The following IKZF2 variants were observed in gnomAD, a reference collection of about 807,000 sequenced individuals.
The protein encoded by IKZF2 is IKAROS family zinc finger 2.
A neutral mutation model predicts 49.2 loss-of-function variants in IKZF2; 15 were observed. The ratio of observed to expected loss-of-function variants is 0.30; its 90% CI spans 0.20 to 0.47. The LOEUF is 0.47. Among genes scored for constraint, IKZF2 ranks in the 20% least tolerant of loss-of-function variants. The pLI is 1.00. For synonymous variants in IKZF2, 227 were observed against 221.4 expected, an observed-to-expected ratio of 1.03 and a Z score of -0.23; for missense variants, 567 against 664.6, an observed-to-expected ratio of 0.85 and a Z score of 1.61.
chr2:213,035,185 AT>A (rs138723076), intron 6 of IKZF2, among the ~76,000 whole-genome samples: 3 of 152,102 alleles, frequency 2.0e-5, no homozygotes, highest in Admixed American at 6.5e-5. Context: ...GTGAGTATAT[AT>A]TTTTTTTAAT....
chr2:213,000,395 T>A lies in IKZF2; in HGVS notation c.*6965A>T, dbSNP rs561967113. On this transcript the variant is annotated 3_prime_UTR_variant, in exon 9 of 9. Coordinates refer to ENST00000434687, the MANE Select transcript of IKZF2 (RefSeq NM_001387220.1). ...AAAACACAAAATACCCTAGAAACTG[T>A]CAAGCAATTAGTCTTTAAAATAGTC... is the stretch of plus-strand genomic sequence containing the variant. The A allele has an allele frequency of 6.6e-6, 1 of 151,434 alleles. No individual in the cohort carries two copies. Among genetic ancestry groups the A allele is most frequent in the Admixed American group, 6.6e-5 (1 of 15,094 alleles). The allele number at this position is 151,434 out of a possible 1,614,324, so 9.4% of individuals were successfully genotyped here.
chr2:213,116,838 C>A (rs147831140), intron 4 of IKZF2, among the ~76,000 whole-genome samples: 1 of 152,158 alleles, frequency 6.6e-6, no homozygotes, highest in Non-Finnish European at 1.5e-5. Flanking sequence ...GTGCATGTTC[C>A]CCTTCTCCTT....
chr2:213,059,749 T>C (rs1471139804), intron 4 of IKZF2, among the ~76,000 whole-genome samples: 3 of 151,546 alleles, frequency 2.0e-5, no homozygotes, highest in Admixed American at 6.6e-5. Flanking sequence ...CTAAGTTTAA[T>C]TGGGAAATTA....
intron 4 of IKZF2, among the ~76,000 whole-genome samples, chr2:213,131,852 G>T (rs2060482840): frequency 6.6e-6 from 1 of 152,136 alleles, no homozygotes. Context: ...ATAACTGAGA[G>T]ACGTCTCTAA....
At chr2:213,134,291 A>C (rs2060579432) in intron 4 of IKZF2, among the ~76,000 whole-genome samples, 1 of 152,170 alleles carries the variant, frequency 6.6e-6, no homozygotes, top group African/African-American at 2.4e-5. Flanking sequence ...AAAGCAGAGA[A>C]AGTTCTTTCT....
chr2:213,040,132 T>A (rs1278894029), intron 6 of IKZF2, among the ~76,000 whole-genome samples: 1 of 152,132 alleles, frequency 6.6e-6, no homozygotes, highest in Non-Finnish European at 1.5e-5. Context: ...ATTTTTCATC[T>A]GGTAGAAAAA....
chr2:213,145,003 C>A (rs1203586583), intron 4 of IKZF2, among the ~76,000 whole-genome samples: 1 of 151,676 alleles, frequency 6.6e-6, no homozygotes, highest in Non-Finnish European at 1.5e-5. Flanking sequence ...TATTTTTATA[C>A]AATAGCTGGC....
At position 213,007,409 on chromosome 2, in the gene IKZF2, C is replaced by G. The variant is rs181639094; in HGVS notation, c.1532G>C (p.Arg511Pro). 1 of 1,613,430 alleles carries G rather than the reference C, an allele frequency of 6.2e-7. No homozygotes were observed. The highest frequency in any genetic ancestry group is 8.5e-7 in the Non-Finnish European group (1 of 1,179,610). Residue 511 changes from arginine to proline, a missense_variant, in exon 9 of 9, where the codon CGT becomes CCT. This residue lies in a region of IKZF2 where 25 missense variants were observed against 27.0 expected (regional missense o/e 0.93). Coordinates refer to ENST00000434687, the MANE Select transcript of IKZF2 (RefSeq NM_001387220.1). Reference protein sequence around the residue: ...CNICGYRSQDRYEFSSHIVRG... With the variant: ...CNICGYRSQDPYEFSSHIVRG... ...AACAATGTGTGATGAAAACTCATAA[C>G]GGTCCTGGCTTCTGTAGCCACAGAT...
rs1695374659 is a variant in IKZF2 at position 213,006,712 on chromosome 2, T to C, written c.*648A>G. ...ATAAGATCACAGGACCTCAGATGTATTGTAGGTGGCCCTTAACTACCTGTA... is the reference window on the plus strand; with the variant it reads ...ATAAGATCACAGGACCTCAGATGTACTGTAGGTGGCCCTTAACTACCTGTA... On this transcript the variant is annotated 3_prime_UTR_variant, in exon 9 of 9. Coordinates refer to ENST00000434687, the MANE Select transcript of IKZF2 (RefSeq NM_001387220.1). The C allele has an allele frequency of 6.6e-6, 1 of 152,506 alleles. No individual in the cohort carries two copies. Among genetic ancestry groups the C allele is most frequent in the East Asian group, 1.9e-4 (1 of 5,170 alleles). 9.4% of individuals were successfully genotyped at this position (152,506 alleles called of 1,614,324 possible).
intron 8 of IKZF2, 28 bp from the exon 9 acceptor site, chr2:213,008,112 T>G: frequency 7.8e-7 from 1 of 1,280,342 alleles, no homozygotes; most frequent in Non-Finnish European, 1.0e-6. Flanking sequence ...GTGAAAGAAG[T>G]AAAAAAAAAA....
intron 5 of IKZF2, among the ~76,000 whole-genome samples, chr2:213,052,941 C>T (rs1700810315): frequency 6.6e-6 from 1 of 152,024 alleles, no homozygotes; most frequent in Admixed American, 6.6e-5. Flanking sequence ...TCCATACTGT[C>T]TATGAAACTT....
chr2:213,142,364 A>G (rs1358261740), intron 4 of IKZF2, among the ~76,000 whole-genome samples: 2 of 151,892 alleles, frequency 1.3e-5, no homozygotes, highest in Non-Finnish European at 2.9e-5. Context: ...TCTTCCCTGG[A>G]CCTGTGCAAT....
chr2:213,129,097 T>C (rs2060381015), intron 4 of IKZF2, among the ~76,000 whole-genome samples: 1 of 152,006 alleles, frequency 6.6e-6, no homozygotes, highest in African/African-American at 2.4e-5. Flanking sequence ...CAGAGAATTC[T>C]ATTTATGGAA....
In IKZF2 at chr2:213,005,097, T is replaced by G. The variant is rs1438853558; in HGVS notation, c.*2263A>C. 6.9e-6 allele frequency: 1 copy of G among 145,296 alleles called. No homozygotes were observed. Among genetic ancestry groups the G allele is most frequent in the Non-Finnish European group, 1.5e-5 (1 of 67,148 alleles). The allele number at this position is 145,296 out of a possible 1,614,324, so 9.0% of individuals were successfully genotyped here. A position where few individuals can be genotyped will look rare whatever the true frequency, so the allele number is the denominator to read the frequency against. ...CTGACATCCAAATGTTTCCTTAAAT[T>G]GCAGTAAAAGACAAAATTGTGAACC... On this transcript the variant is annotated 3_prime_UTR_variant, in exon 9 of 9. Coordinates refer to ENST00000434687, the MANE Select transcript of IKZF2 (RefSeq NM_001387220.1).
chr2:213,067,846 A>G (rs980417925), intron 4 of IKZF2, among the ~76,000 whole-genome samples: 11 of 152,082 alleles, frequency 7.2e-5, no homozygotes, highest in Admixed American at 7.2e-4. Flanking sequence ...GCCCCACACC[A>G]CCATGCCAGA....
chr2:213,085,583 A>G (rs1704484986), intron 4 of IKZF2, among the ~76,000 whole-genome samples: 1 of 152,168 alleles, frequency 6.6e-6, no homozygotes. Context: ...TGGTTTCACC[A>G]TGGTGTAATA....
intron 6 of IKZF2, 106 bp from the exon 7 acceptor site, chr2:213,022,236 A>C: frequency 6.3e-6 from 7 of 1,106,168 alleles, no homozygotes; most frequent in Non-Finnish European, 8.7e-6. Flanking sequence ...TATAATTTTC[A>C]GACTTAAATC....
intron 4 of IKZF2, among the ~76,000 whole-genome samples, chr2:213,111,579 C>T (rs1400194740): frequency 2.0e-5 from 3 of 151,954 alleles, no homozygotes; most frequent in East Asian, 3.9e-4. Context: ...TATCTAAATC[C>T]ATTGGCAGTT....
At chr2:213,034,016 C>A (rs975715116) in intron 6 of IKZF2, among the ~76,000 whole-genome samples, 1 of 152,250 alleles carries the variant, frequency 6.6e-6, no homozygotes, top group African/African-American at 2.4e-5. Flanking sequence ...GCCTCTACAT[C>A]AGCACTTGCT....
Sources: allele counts gnomAD v4.1 joint callset (sites outside exome capture counted in the v4.1 genomes callset), GRCh38; gene constraint gnomAD v4.1.1; regional missense constraint gnomAD v4.1.1; transcripts MANE v1.5; gene names NCBI Gene and HGNC (gene_info 2026-07-23, HGNC 2026-07-21).